GPC6: variants seen among roughly 807,000 people sequenced by gnomAD.
GPC6 encodes glypican 6, also known as glypican-6.
Under a neutral mutation model 55.2 loss-of-function variants are expected in GPC6, and 14 were observed. The ratio of observed to expected loss-of-function variants is 0.25; its 90% CI spans 0.17 to 0.40. The LOEUF (loss-of-function observed/expected upper bound fraction) is 0.40. GPC6 is among the 10% of genes least tolerant of loss of function. The probability of loss-of-function intolerance (pLI) is 1.00; values close to 1 mark genes in which losing one functional copy is unlikely to be tolerated. For missense variants in GPC6, 641 were observed against 708.5 expected, an observed-to-expected ratio of 0.90 and a Z score of 1.08; for synonymous variants, 278 against 259.6, an observed-to-expected ratio of 1.07 and a Z score of -0.68.
At chr13:94,359,579 T>A (rs1211697960) in intron 6 of GPC6, among the ~76,000 whole-genome samples, 1 of 152,042 alleles carries the variant, frequency 6.6e-6, no homozygotes, top group Non-Finnish European at 1.5e-5. Flanking sequence ...GTCAAAGAAG[T>A]AATAGAAAAG....
At chr13:93,878,397 G>A (rs1263638327) in intron 3 of GPC6, among the ~76,000 whole-genome samples, 1 of 151,978 alleles carries the variant, frequency 6.6e-6, no homozygotes, top group East Asian at 1.9e-4. Context: ...GACTCTTTTA[G>A]ACGGAGTCTC....
chr13:94,118,345 T>C (rs1251468840), intron 4 of GPC6, among the ~76,000 whole-genome samples: 1 of 152,072 alleles, frequency 6.6e-6, no homozygotes, highest in Non-Finnish European at 1.5e-5. Context: ...TATGTTTGCT[T>C]CCCCTTCTGC....
At position 93,684,026 on chromosome 13, in the gene GPC6, G is replaced by A. The variant is rs142523594; in HGVS notation, c.319+138605G>A. 2.2e-4 allele frequency among the ~76,000 whole-genome samples: 34 copies of A among 152,110 alleles called. No individual in the cohort carries two copies. In the East Asian group the frequency reaches 6.6e-3, roughly 29 times the overall value. ...AAGGGCACTAGTACCATTGATGAGG[G>A]CTCCATTCTCGTGACCTCATCTAAT... On this transcript the variant is annotated intron_variant, in intron 2 of 8. Coordinates refer to ENST00000377047, the MANE Select transcript of GPC6 (RefSeq NM_005708.5).
chr13:93,663,870 C>G (rs546234084), intron 2 of GPC6, among the ~76,000 whole-genome samples: 1 of 152,198 alleles, frequency 6.6e-6, no homozygotes, highest in Admixed American at 6.5e-5. Context: ...GTAGCTGAAC[C>G]AGTTAGGCTA....
chr13:93,742,508 G>A (rs1156807295), intron 2 of GPC6, among the ~76,000 whole-genome samples: 1 of 152,188 alleles, frequency 6.6e-6, no homozygotes, highest in African/African-American at 2.4e-5. Flanking sequence ...TCTCTTGATA[G>A]CCTTGTGAAC....
At chr13:94,235,945 G>A (rs1234544304) in intron 4 of GPC6, among the ~76,000 whole-genome samples, 5 of 152,260 alleles carry the variant, frequency 3.3e-5, no homozygotes, top group African/African-American at 1.2e-4. Flanking sequence ...CTGAGACCCT[G>A]AGAACTCTTC....
At chr13:94,367,868 C>T (rs545755690) in intron 6 of GPC6, among the ~76,000 whole-genome samples, 73 of 151,514 alleles carry the variant, frequency 4.8e-4, no homozygotes, top group South Asian at 6.3e-4. Flanking sequence ...TTAAAAGTAC[C>T]GGCCGGGCAC....
intron 2 of GPC6, among the ~76,000 whole-genome samples, chr13:93,826,973 G>A (rs914397232): frequency 6.6e-6 from 1 of 152,128 alleles, no homozygotes; most frequent in Admixed American, 6.5e-5. Flanking sequence ...CCCTCTAGAT[G>A]AATAAAATCT....
At chr13:93,722,449 T>G (rs1166879093) in intron 2 of GPC6, among the ~76,000 whole-genome samples, 1 of 151,862 alleles carries the variant, frequency 6.6e-6, no homozygotes, top group Non-Finnish European at 1.5e-5. Context: ...AGTGTATGTA[T>G]TAGCCCTTAG....
intron 6 of GPC6, among the ~76,000 whole-genome samples, chr13:94,338,629 T>A (rs1006632169): frequency 1.3e-5 from 2 of 152,220 alleles, no homozygotes; most frequent in African/African-American, 4.8e-5. Context: ...CAGCCTCTAC[T>A]GAGACCTAAC....
At chr13:93,353,552 A>G (rs9524017) in intron 1 of GPC6, among the ~76,000 whole-genome samples, 62,621 of 152,100 alleles carry the variant, frequency 0.41, 14,354 homozygotes, top group East Asian at 0.92. Flanking sequence ...CAACAAAGTC[A>G]GGCATTCAGA....
At chr13:93,367,372 C>T (rs1881289019) in intron 1 of GPC6, among the ~76,000 whole-genome samples, 1 of 151,938 alleles carries the variant, frequency 6.6e-6, no homozygotes, top group East Asian at 1.9e-4. Context: ...AGAGGTTTGT[C>T]TGTTTTATTG....
intron 2 of GPC6, among the ~76,000 whole-genome samples, chr13:93,623,599 C>G (rs1403958300): frequency 2.0e-5 from 3 of 151,728 alleles, no homozygotes; most frequent in African/African-American, 7.3e-5. Flanking sequence ...GTTGGAATTA[C>G]AGGCACCCGC....
At chr13:93,975,643 C>T (rs964156864) in intron 3 of GPC6, among the ~76,000 whole-genome samples, 15 of 152,062 alleles carry the variant, frequency 9.9e-5, no homozygotes, top group Admixed American at 2.0e-4. Context: ...TGACCCAATG[C>T]GGTTTTTGTT....
At chr13:94,293,531 A>T (rs1281260248) in intron 5 of GPC6, among the ~76,000 whole-genome samples, 1 of 152,154 alleles carries the variant, frequency 6.6e-6, no homozygotes, top group Non-Finnish European at 1.5e-5. Flanking sequence ...TTTTCTTTGT[A>T]AATTACCCAG....
chr13:94,057,393 T>C (rs1884166921), intron 4 of GPC6, among the ~76,000 whole-genome samples: 1 of 152,228 alleles, frequency 6.6e-6, no homozygotes, highest in Non-Finnish European at 1.5e-5. Context: ...CCAATGTTCA[T>C]TGAGACTATT....
chr13:93,778,807 G>A (rs537307694), intron 2 of GPC6, among the ~76,000 whole-genome samples: 2 of 152,284 alleles, frequency 1.3e-5, no homozygotes, highest in Admixed American at 6.5e-5. Context: ...TTTCCCATGG[G>A]AAAATATGTG....
intron 2 of GPC6, among the ~76,000 whole-genome samples, chr13:93,824,000 T>A (rs188831856): frequency 6.6e-6 from 1 of 152,258 alleles, no homozygotes; most frequent in Admixed American, 6.5e-5. Flanking sequence ...CTTTTAATAA[T>A]CATAGATTTT....
At chr13:93,595,136 TC>T (rs1877668486) in intron 2 of GPC6, among the ~76,000 whole-genome samples, 1 of 152,194 alleles carries the variant, frequency 6.6e-6, no homozygotes, top group Admixed American at 6.5e-5. Flanking sequence ...AGACAGGGAA[TC>T]TTTTTAAATT....
Sources: gnomAD v4.1 joint callset for allele counts (sites outside exome capture counted in the v4.1 genomes callset) on GRCh38, gnomAD v4.1.1 for gene constraint, MANE v1.5 for transcripts, NCBI Gene and HGNC (gene_info 2026-07-23, HGNC 2026-07-21) for gene names.